MMP26: variants seen among roughly 807,000 people sequenced by gnomAD.
The protein encoded by MMP26 is matrix metallopeptidase 26, also known as matrix metalloproteinase-26.
MMP26 carries 33 observed loss-of-function variants against 31.0 expected under a neutral mutation model. The ratio of observed to expected loss-of-function variants is 1.06; its 90% CI spans 0.81 to 1.42. The LOEUF is 1.42. Among genes scored for constraint, MMP26 ranks in the 40% most tolerant of loss-of-function variants. The pLI, the probability that MMP26 is intolerant of heterozygous loss-of-function variation, is 0.00. For missense variants in MMP26, 347 were observed against 316.1 expected, an observed-to-expected ratio of 1.10 and a Z score of -0.74; for synonymous variants, 122 against 114.9, an observed-to-expected ratio of 1.06 and a Z score of -0.40.
At chr11:4,782,303 A>G (rs1251332312) in intron 2 of MMP26, among the ~76,000 whole-genome samples, 1 of 152,180 alleles carries the variant, frequency 6.6e-6, no homozygotes, top group Non-Finnish European at 1.5e-5. Flanking sequence ...GAGATGAGGA[A>G]CTTGTTGGGA....
chr11:4,954,514 G>T (rs1846408500), intron 2 of MMP26, among the ~76,000 whole-genome samples: 1 of 124,202 alleles, frequency 8.1e-6, no homozygotes. Context: ...TTTCTGTCTT[G>T]GTTGTAATTT....
intron 2 of MMP26, among the ~76,000 whole-genome samples, chr11:4,834,938 A>G (rs1849695934): frequency 6.6e-6 from 1 of 152,090 alleles, no homozygotes; most frequent in African/African-American, 2.4e-5. Context: ...TATAAAATAT[A>G]GACATAAATT....
intron 2 of MMP26, among the ~76,000 whole-genome samples, chr11:4,883,157 T>TG (rs1380507860): frequency 1.3e-5 from 2 of 152,156 alleles, no homozygotes; most frequent in Non-Finnish European, 2.9e-5. Context: ...TTTAATATAG[T>TG]GGAAAACTTT....
chr11:4,934,986 G>A (rs1209976198), intron 2 of MMP26, among the ~76,000 whole-genome samples: 1 of 151,634 alleles, frequency 6.6e-6, no homozygotes, highest in Non-Finnish European at 1.5e-5. Flanking sequence ...TAGCCTTGTA[G>A]TATAGTTTGA....
At chr11:4,974,617 C>T (rs1446644941) in intron 2 of MMP26, among the ~76,000 whole-genome samples, 2 of 152,054 alleles carry the variant, frequency 1.3e-5, no homozygotes, top group East Asian at 1.9e-4. Context: ...TCAAAATCTA[C>T]CATCCCATGC....
chr11:4,806,381 A>T (rs1849270364), intron 2 of MMP26, among the ~76,000 whole-genome samples: 1 of 152,016 alleles, frequency 6.6e-6, no homozygotes, highest in South Asian at 2.1e-4. Context: ...GTCTCTACGG[A>T]CTTGCTTTAT....
At chr11:4,875,236 A>G (rs1337082587) in intron 2 of MMP26, 1 of 152,134 alleles carries the variant, frequency 6.6e-6, no homozygotes, top group East Asian at 1.9e-4. Flanking sequence ...TGCATGGAAG[A>G]ACATACTGAA....
intron 2 of MMP26, chr11:4,919,435 A>G (rs1039177596): frequency 6.6e-6 from 1 of 152,200 alleles, no homozygotes; most frequent in South Asian, 2.1e-4. Context: ...CCTTTCAAGG[A>G]TCTTTAACCA....
At chr11:4,963,233 G>C (rs1846545205) in intron 2 of MMP26, among the ~76,000 whole-genome samples, 1 of 152,090 alleles carries the variant, frequency 6.6e-6, no homozygotes, top group African/African-American at 2.4e-5. Context: ...GGAAATAAGA[G>C]AGGACACAAA....
intron 2 of MMP26, among the ~76,000 whole-genome samples, chr11:4,961,495 G>A (rs1453707576): frequency 2.6e-5 from 4 of 152,136 alleles, no homozygotes; most frequent in Non-Finnish European, 5.9e-5. Context: ...CCTTAATCCA[G>A]TCAAGTTGAC....
At chr11:4,874,051 C>T (rs1486324795) in intron 2 of MMP26, among the ~76,000 whole-genome samples, 2 of 151,936 alleles carry the variant, frequency 1.3e-5, no homozygotes, top group African/African-American at 2.4e-5. Context: ...CAAGAGTCAG[C>T]GAGGGTGTTG....
rs761624569 is a variant in MMP26 at position 4,804,463 on chromosome 11, AC to A, written c.-145+37123del. The A allele has an allele frequency of 2.2e-5, 24 of 1,108,846 alleles. No individual in the cohort carries two copies. The South Asian group carries it at 2.9e-4, about 13-fold the overall frequency. 68.7% of individuals were successfully genotyped at this position (1,108,846 alleles called of 1,614,324 possible). A position where few individuals can be genotyped will look rare whatever the true frequency, so the allele number is the denominator to read the frequency against. ...ATCAAAACAAGTGTTATTATTATAT[AC>A]AAGGCTTTTGGATGGGACTATTGGA... On this transcript the variant is annotated intron_variant, in intron 2 of 7. Coordinates refer to ENST00000380390, the MANE Select transcript of MMP26 (RefSeq NM_021801.5).
intron 1 of MMP26, among the ~76,000 whole-genome samples, chr11:4,742,848 T>C (rs1848332889): frequency 6.6e-6 from 1 of 152,152 alleles, no homozygotes; most frequent in African/African-American, 2.4e-5. Flanking sequence ...GGCCTGGTAC[T>C]ATGTGGTTTA....
At chr11:4,860,440 A>G (rs1427703803) in intron 2 of MMP26, 1 of 471,074 alleles carries the variant, frequency 2.1e-6, no homozygotes, top group Non-Finnish European at 4.4e-6. Flanking sequence ...ACCATTTCCC[A>G]GGAGTGTGAG....
rs148780465 is a variant in MMP26, at chr11:4,846,532, G to A, written c.-145+79191G>A. On this transcript the variant is annotated intron_variant, in intron 2 of 7. Transcript: ENST00000380390. ...CTAGTCAATAATAACTTAATCACAC[G>A]TTTTAAGATATCTAAAGGAATGTAA... Among the ~76,000 whole-genome samples, 113 of 152,138 alleles carry A rather than the reference G, an allele frequency of 7.4e-4. 1 individual carries two copies. Among genetic ancestry groups the A allele is most frequent in the African/African-American group, 1.1e-3 (44 of 41,528 alleles).
intron 2 of MMP26, chr11:4,907,915 G>A: frequency 6.2e-7 from 1 of 1,614,026 alleles, no homozygotes; most frequent in South Asian, 1.1e-5. Flanking sequence ...GTCTTCATCA[G>A]GATACCATGA....
chr11:4,949,223 A>T (rs1846347988), intron 2 of MMP26, among the ~76,000 whole-genome samples: 1 of 122,424 alleles, frequency 8.2e-6, no homozygotes, highest in Non-Finnish European at 1.8e-5. Context: ...TATTTTTCCC[A>T]TTGTGCTACG....
intron 2 of MMP26, among the ~76,000 whole-genome samples, chr11:4,918,806 G>A (rs1851137738): frequency 6.6e-6 from 1 of 152,120 alleles, no homozygotes; most frequent in Non-Finnish European, 1.5e-5. Context: ...ACCACACTTT[G>A]TGATCACTCA....
chr11:4,854,665 A>G (rs1850023628), intron 2 of MMP26, among the ~76,000 whole-genome samples: 1 of 152,236 alleles, frequency 6.6e-6, no homozygotes, highest in Admixed American at 6.5e-5. Context: ...AAGGCAGCAG[A>G]AACTTCTGCA....
Sources: allele counts gnomAD v4.1 joint callset (sites outside exome capture counted in the v4.1 genomes callset), GRCh38; gene constraint gnomAD v4.1.1; transcripts MANE v1.5; gene names NCBI Gene and HGNC (gene_info 2026-07-23, HGNC 2026-07-21).